Variants in CDH4 observed in about 807,000 individuals in gnomAD.
The protein encoded by CDH4 is cadherin 4, also known as cadherin-4.
CDH4 carries 33 observed loss-of-function variants against 86.0 expected under a neutral mutation model. That is an observed-to-expected ratio of 0.38 (90% CI 0.29 to 0.51). CDH4 has a LOEUF of 0.51. CDH4 is among the 20% of genes least tolerant of loss of function. The pLI is 0.86. For synonymous variants in CDH4, 555 were observed against 549.4 expected, an observed-to-expected ratio of 1.01 and a Z score of -0.14; for missense variants, 1,114 against 1,307.4, an observed-to-expected ratio of 0.85 and a Z score of 2.28.
At chr20:61,286,709 A>C (rs906989775) in intron 2 of CDH4, among the ~76,000 whole-genome samples, 1 of 152,244 alleles carries the variant, frequency 6.6e-6, no homozygotes, top group Non-Finnish European at 1.5e-5. Context: ...TTGTCAGCCC[A>C]GCTTGCAGGG....
intron 2 of CDH4, among the ~76,000 whole-genome samples, chr20:61,737,330 A>T (rs948632598): frequency 1.3e-5 from 2 of 152,094 alleles, no homozygotes; most frequent in Admixed American, 6.5e-5. Flanking sequence ...GAACCTCAGA[A>T]TCTGTTGACC....
intron 7 of CDH4, among the ~76,000 whole-genome samples, chr20:61,884,907 C>T (rs1206554726): frequency 3.3e-5 from 5 of 152,090 alleles, no homozygotes; most frequent in African/African-American, 1.2e-4. Context: ...CGGCTGGAGC[C>T]CCGGGCTAAG....
intron 8 of CDH4, among the ~76,000 whole-genome samples, chr20:61,907,154 A>G (rs2054798599): frequency 6.6e-6 from 1 of 152,028 alleles, no homozygotes; most frequent in East Asian, 1.9e-4. Flanking sequence ...CAGGGGGACT[A>G]TCACCTCCAC....
At position 61,544,194 on chromosome 20, in the gene CDH4, GC is replaced by G. The variant is rs1337166563; in HGVS notation, c.170-199365del. 6.6e-6 allele frequency among the ~76,000 whole-genome samples: 1 copy of G among 152,172 alleles called. No homozygotes were observed. Among genetic ancestry groups the G allele is most frequent in the Non-Finnish European group, 1.5e-5 (1 of 68,032 alleles). ...GCGGTTCTCTTTCAGAGATGATGCT[GC>G]CCCGTCTCCCCAGGGGACCTCGGCA... is the stretch of plus-strand genomic sequence containing the variant. On this transcript the variant is annotated intron_variant, in intron 2 of 15. Coordinates refer to ENST00000614565, the MANE Select transcript of CDH4 (RefSeq NM_001794.5). This position sits in a 1 kb window ranked among gnomAD's most constrained non-coding sequence, Gnocchi z 6.5.
chr20:61,537,159 G>C (rs920181188), intron 2 of CDH4, among the ~76,000 whole-genome samples: 37 of 152,190 alleles, frequency 2.4e-4, no homozygotes, highest in African/African-American at 8.7e-4. Context: ...GCTTTTGACT[G>C]TTCACTTTCT....
chr20:61,939,097 T>TGGAA lies in CDH4; in HGVS notation c.*2158_*2161dup, dbSNP rs2055232945. The TGGAA allele has an allele frequency of 6.6e-6, 1 of 152,426 alleles. No individual in the cohort carries two copies. Among genetic ancestry groups the TGGAA allele is most frequent in the East Asian group, 1.9e-4 (1 of 5,194 alleles). The allele number at this position is 152,426 out of a possible 1,614,324, so 9.4% of individuals were successfully genotyped here. On this transcript the variant is annotated 3_prime_UTR_variant, in exon 16 of 16. Transcript: ENST00000614565. ...GTTGGAGGTATAGCTGGGCGGGTAG[T>TGGAA]GGAAGGACTGGAAATCTCTGTTGTT... is the stretch of plus-strand genomic sequence containing the variant.
At chr20:61,380,818 C>A (rs2084896616) in intron 2 of CDH4, among the ~76,000 whole-genome samples, 1 of 152,164 alleles carries the variant, frequency 6.6e-6, no homozygotes, top group African/African-American at 2.4e-5. Context: ...GTTTGAGGTT[C>A]TACAAAGAAA....
At chr20:61,931,109 T>C (rs956956066) in intron 13 of CDH4, among the ~76,000 whole-genome samples, 1 of 152,172 alleles carries the variant, frequency 6.6e-6, no homozygotes, top group Non-Finnish European at 1.5e-5. Flanking sequence ...CGGAGTGGCC[T>C]CCCCTCCTCC....
In CDH4 at chr20:61,565,107, GTGGTGC is replaced by G. The variant is rs1405298853; in HGVS notation, c.170-178448_170-178443del. 7.1e-4 allele frequency among the ~76,000 whole-genome samples: 86 copies of G among 121,514 alleles called. 3 individuals carry two copies. Among genetic ancestry groups the G allele is most frequent in the African/African-American group, 1.5e-3 (47 of 32,090 alleles). The allele number at this position is 121,514 out of a possible 152,430, so 79.7% of individuals were successfully genotyped here. A position where few individuals can be genotyped will look rare whatever the true frequency, so the allele number is the denominator to read the frequency against. On this transcript the variant is annotated intron_variant, in intron 2 of 15. Transcript: ENST00000614565. The stretch of plus-strand genomic sequence containing the variant: ...GGTGGTGCTCTTGGTGGTGCTCTTG[GTGGTGC>G]TGGTGCTCTTGGTGGTGCTGGTCCT...
At chr20:61,840,218 A>C (rs1017245962) in intron 4 of CDH4, among the ~76,000 whole-genome samples, 2 of 152,166 alleles carry the variant, frequency 1.3e-5, no homozygotes, top group African/African-American at 4.8e-5. Flanking sequence ...GCACTGGGAC[A>C]GCTCTGGCTG....
intron 2 of CDH4, among the ~76,000 whole-genome samples, chr20:61,444,265 G>GTCTCCGTGTGTCTT (rs1568847246): frequency 3.1e-3 from 2 of 640 alleles, no homozygotes; most frequent in Non-Finnish European, 8.1e-3. Flanking sequence ...GTATCTATGT[G>GTCTCCGTGTGTCTT]TGTGTGTGTA....
At chr20:61,869,994 C>T (rs1983727805) in intron 6 of CDH4, among the ~76,000 whole-genome samples, 1 of 152,208 alleles carries the variant, frequency 6.6e-6, no homozygotes, top group Non-Finnish European at 1.5e-5. Flanking sequence ...GGCTCCCAGC[C>T]GTTCTGCTAA....
rs186613882 is a variant in CDH4 at position 61,702,558 on chromosome 20, G to A, written c.170-41005G>A. Among the ~76,000 whole-genome samples, 165 of 152,328 alleles carry A rather than the reference G, an allele frequency of 1.1e-3. 5 individuals are homozygous for A. The South Asian group carries it at 0.023, about 21-fold the overall frequency. On this transcript the variant is annotated intron_variant, in intron 2 of 15. Transcript: ENST00000614565. ...GTGATGCAATTCATTCTTCTGAAGC[G>A]TATGAAAGCTGAGTGCGACCTTGAG... is the stretch of plus-strand genomic sequence containing the variant.
intron 2 of CDH4, among the ~76,000 whole-genome samples, chr20:61,263,401 G>A (rs148664452): frequency 3.3e-5 from 5 of 152,246 alleles, no homozygotes; most frequent in African/African-American, 1.2e-4. Flanking sequence ...TGTGCTCCCC[G>A]AGGCCATTTT....
At chr20:61,532,935 C>G (rs565742423) in intron 2 of CDH4, among the ~76,000 whole-genome samples, 1 of 152,140 alleles carries the variant, frequency 6.6e-6, no homozygotes, top group Non-Finnish European at 1.5e-5. Context: ...AATCAAGGTA[C>G]GGGCCGGGGC....
intron 2 of CDH4, among the ~76,000 whole-genome samples, chr20:61,721,286 G>A (rs149912900): frequency 6.6e-6 from 1 of 152,324 alleles, no homozygotes; most frequent in Non-Finnish European, 1.5e-5. Flanking sequence ...TGTGCATTCA[G>A]CAGAAGCTGT....
chr20:61,768,177 G>T (rs1038125366), intron 3 of CDH4, among the ~76,000 whole-genome samples: 1 of 152,144 alleles, frequency 6.6e-6, no homozygotes, highest in Non-Finnish European at 1.5e-5. Context: ...TGAGAAAGTT[G>T]TGATGTGCTC....
At chr20:61,499,586 CACACAGGGAGGAGGGCTCCAA>C in intron 2 of CDH4, 1 of 1,144,656 alleles carries the variant, frequency 8.7e-7, no homozygotes, top group African/African-American at 1.6e-5. Context: ...TCCCTGAGGT[CACACAGGGAGGAGGGCTCCAA>C]GCCAGAATTT....
At chr20:61,469,404 A>G (rs2085490115) in intron 2 of CDH4, among the ~76,000 whole-genome samples, 1 of 152,074 alleles carries the variant, frequency 6.6e-6, no homozygotes, top group Non-Finnish European at 1.5e-5. Flanking sequence ...AAAAAACCAG[A>G]TTATTAGATT....
Sources: allele counts gnomAD v4.1 joint callset (sites outside exome capture counted in the v4.1 genomes callset), GRCh38; gene constraint gnomAD v4.1.1; non-coding constraint Gnocchi (gnomAD v3.1); transcripts MANE v1.5; gene names NCBI Gene and HGNC (gene_info 2026-07-23, HGNC 2026-07-21).